SORCS3: variants seen among roughly 807,000 people sequenced by gnomAD.
The protein encoded by SORCS3 is VPS10 domain-containing receptor SorCS3.
A neutral mutation model predicts 146.3 loss-of-function variants in SORCS3; 57 were observed. The ratio of observed to expected loss-of-function variants is 0.39; its 90% CI spans 0.31 to 0.49. The LOEUF is 0.49. SORCS3 is among the 20% of genes least tolerant of loss of function. The pLI is 0.92. For missense variants in SORCS3, 1,341 were observed against 1,575.5 expected (o/e 0.85, Z 2.52); for synonymous variants, 653 against 618.5 (o/e 1.06, Z -0.83).
chr10:104,903,628 C>T (rs1393350168), intron 2 of SORCS3, among the ~76,000 whole-genome samples: 1 of 152,178 alleles, frequency 6.6e-6, no homozygotes, highest in African/African-American at 2.4e-5. Flanking sequence ...TTGCATAGAG[C>T]AGCAGTTCTC....
intron 1 of SORCS3, among the ~76,000 whole-genome samples, chr10:104,751,584 A>G (rs2016983696): frequency 6.6e-6 from 1 of 152,138 alleles, no homozygotes; most frequent in Non-Finnish European, 1.5e-5. Context: ...TGAGTGAATG[A>G]GAGATAGCTA....
intron 2 of SORCS3, among the ~76,000 whole-genome samples, chr10:104,907,919 C>T (rs2018925148): frequency 1.3e-5 from 2 of 152,224 alleles, no homozygotes; most frequent in Non-Finnish European, 2.9e-5. Flanking sequence ...TGGGCTTCTG[C>T]CATTGCAAAG....
At chr10:104,863,675 T>G (rs2018429796) in intron 2 of SORCS3, among the ~76,000 whole-genome samples, 1 of 152,208 alleles carries the variant, frequency 6.6e-6, no homozygotes, top group Admixed American at 6.6e-5. Context: ...TGCCTGGGTC[T>G]AGCAGCTGTG....
chr10:104,998,470 A>G (rs2055040111), intron 4 of SORCS3, among the ~76,000 whole-genome samples: 1 of 152,166 alleles, frequency 6.6e-6, no homozygotes. Context: ...ACAGCTGAGC[A>G]GAGGATGTCA....
chr10:105,020,510 G>A (rs903384939), intron 4 of SORCS3, among the ~76,000 whole-genome samples: 4 of 152,136 alleles, frequency 2.6e-5, no homozygotes, highest in Admixed American at 1.3e-4. Flanking sequence ...ATTGGGGATA[G>A]TAAGACCATA....
At chr10:104,875,459 T>C (rs1369427941) in intron 2 of SORCS3, among the ~76,000 whole-genome samples, 2 of 152,224 alleles carry the variant, frequency 1.3e-5, no homozygotes, top group African/African-American at 2.4e-5. Context: ...TAGGGTCTAC[T>C]GTGTGAAGTA....
In SORCS3 at chr10:105,105,506, C is replaced by A; in HGVS notation, c.1203C>A (p.Ile401=). 6.2e-7 allele frequency: 1 copy of A among 1,607,614 alleles called. No homozygotes were observed. Among genetic ancestry groups the A allele is most frequent in the Non-Finnish European group, 8.5e-7 (1 of 1,174,162 alleles). Reference sequence around the variant, plus strand: ...CCCTGGTTGTCCAGGATGAATATATCTTCATTCAGGTGAGTACAGAAAGTG... The same window carrying A: ...CCCTGGTTGTCCAGGATGAATATATATTCATTCAGGTGAGTACAGAAAGTG... ...ISSLVVQDEY[I]FIQVTTSGRA... is the part of the protein sequence containing the mutation. Residue 401 remains isoleucine, a synonymous_variant, in exon 7 of 27, where the codon ATC becomes ATA. Transcript: ENST00000369701.
intron 1 of SORCS3, among the ~76,000 whole-genome samples, chr10:104,810,373 A>G (rs568153761): frequency 1.3e-3 from 198 of 152,330 alleles, no homozygotes; most frequent in Middle Eastern, 0.01. Context: ...TAACATTGTC[A>G]TCATATAGTG....
chr10:105,235,088 G>T (rs886459667), intron 20 of SORCS3, among the ~76,000 whole-genome samples: 22 of 152,148 alleles, frequency 1.4e-4, no homozygotes, highest in African/African-American at 4.8e-4. Context: ...TGATCCCTCA[G>T]GTTGATTAGA....
At chr10:105,133,420 A>G (rs74157450) in intron 7 of SORCS3, among the ~76,000 whole-genome samples, 3,742 of 152,258 alleles carry the variant, frequency 0.025, 153 homozygotes, top group African/African-American at 0.085. Flanking sequence ...GGTACAGACT[A>G]GAGTTGGAGA....
chr10:105,122,747 G>A (rs998750936), intron 7 of SORCS3, among the ~76,000 whole-genome samples: 5 of 150,886 alleles, frequency 3.3e-5, no homozygotes, highest in African/African-American at 7.3e-5. Context: ...GCTTCCCAGC[G>A]TGAGGGAGAT....
rs771686495 is a variant in SORCS3, at chr10:105,167,260, C to G, written c.1812C>G (p.Ile604Met). 6.2e-7 allele frequency: 1 copy of G among 1,611,152 alleles called. No individual in the cohort carries two copies. Among genetic ancestry groups the G allele is most frequent in the East Asian group, 2.2e-5 (1 of 44,826 alleles). Residue 604 changes from isoleucine to methionine, a missense_variant and splice_region_variant, in exon 13 of 27, where the codon ATC becomes ATG. Ile to Met is a conservative substitution (Grantham distance 10, BLOSUM62 1). Coordinates refer to ENST00000369701, the MANE Select transcript of SORCS3 (RefSeq NM_014978.3). ...TGTTGTTGTTGTTGTTGTTCCAGAT[C>G]TTTGATGAAGAGTACAATGTCTGGT... ...SSDGGNTWRQ[I>M]FDEEYNVWFL...
At chr10:105,005,894 G>A (rs765942437) in intron 4 of SORCS3, among the ~76,000 whole-genome samples, 65 of 152,036 alleles carry the variant, frequency 4.3e-4, no homozygotes, top group Non-Finnish European at 8.2e-4. Flanking sequence ...ATTTAGCACC[G>A]GGTTTCTATT....
intron 2 of SORCS3, among the ~76,000 whole-genome samples, chr10:104,863,773 T>C (rs2018431242): frequency 1.3e-5 from 2 of 152,204 alleles, no homozygotes; most frequent in Admixed American, 1.3e-4. Context: ...GTGGTGGTGT[T>C]TTCTGCTCTG....
intron 5 of SORCS3, among the ~76,000 whole-genome samples, chr10:105,048,711 T>C (rs73340214): frequency 0.059 from 9,049 of 152,120 alleles, 292 homozygotes; most frequent in Middle Eastern, 0.088. Context: ...GTGGTGATAA[T>C]GAAAAAGAAG....
At chr10:104,759,752 T>G (rs2017098266) in intron 1 of SORCS3, among the ~76,000 whole-genome samples, 1 of 152,154 alleles carries the variant, frequency 6.6e-6, no homozygotes, top group Non-Finnish European at 1.5e-5. Context: ...GTATTCTATT[T>G]ATGCTGATTT....
intron 17 of SORCS3, among the ~76,000 whole-genome samples, chr10:105,214,159 T>C (rs2056650999): frequency 6.6e-6 from 1 of 152,150 alleles, no homozygotes; most frequent in Admixed American, 6.5e-5. Context: ...TTGATTTTCC[T>C]TGTCTGGTTT....
intron 1 of SORCS3, among the ~76,000 whole-genome samples, 192 bp from the exon 2 acceptor site, chr10:104,842,600 C>T (rs1174455849): frequency 6.6e-6 from 1 of 152,204 alleles, no homozygotes; most frequent in Non-Finnish European, 1.5e-5. Context: ...CTACCAGTTA[C>T]AGGGATGCAT....
chr10:104,664,212 T>C (rs796418846), intron 1 of SORCS3, among the ~76,000 whole-genome samples: 41 of 152,200 alleles, frequency 2.7e-4, no homozygotes, highest in African/African-American at 9.6e-4. Flanking sequence ...GTCTTTACAG[T>C]GTGTCCTTCA....
Sources: gnomAD v4.1 joint callset for allele counts (sites outside exome capture counted in the v4.1 genomes callset) on GRCh38, gnomAD v4.1.1 for gene constraint, MANE v1.5 for transcripts, NCBI Gene and HGNC (gene_info 2026-07-23, HGNC 2026-07-21) for gene names.